Variants in ALK observed in about 807,000 individuals in gnomAD.
ALK encodes the protein ALK tyrosine kinase receptor.
A neutral mutation model predicts 163.1 loss-of-function variants in ALK; 74 were observed. The observed-to-expected ratio is 0.45, with a 90% CI of 0.38 to 0.55. The LOEUF is 0.55. ALK is among the 20% of genes least tolerant of loss of function. ALK has a pLI of 0.00. For synonymous variants in ALK, 960 were observed against 843.2 expected, an observed-to-expected ratio of 1.14 and a Z score of -2.40; for missense variants, 2,063 against 2,105.3, an observed-to-expected ratio of 0.98 and a Z score of 0.39.
chr2:29,692,380 T>C (rs1678424489), intron 3 of ALK, among the ~76,000 whole-genome samples: 1 of 152,222 alleles, frequency 6.6e-6, no homozygotes, highest in African/African-American at 2.4e-5. Flanking sequence ...TTACATGCTC[T>C]AGAGCAATGG....
At chr2:29,835,148 C>A (rs1016590598) in intron 1 of ALK, among the ~76,000 whole-genome samples, 4 of 152,148 alleles carry the variant, frequency 2.6e-5, no homozygotes, top group African/African-American at 9.7e-5. Flanking sequence ...TAGCAGCTAG[C>A]AAATAATAAG....
chr2:29,673,901 G>A (rs1677787319), intron 3 of ALK, among the ~76,000 whole-genome samples: 1 of 150,682 alleles, frequency 6.6e-6, no homozygotes, highest in African/African-American at 2.5e-5. Context: ...CACATCCCTT[G>A]TAAGTTGGAT....
chr2:29,813,530 C>G (rs1451020199), intron 1 of ALK, among the ~76,000 whole-genome samples: 2 of 151,992 alleles, frequency 1.3e-5, no homozygotes, highest in Admixed American at 6.6e-5. Flanking sequence ...CTGTCTCCCC[C>G]AAGACAGCCT....
chr2:29,618,155 C>A (rs1675913548), intron 3 of ALK, among the ~76,000 whole-genome samples: 1 of 152,192 alleles, frequency 6.6e-6, no homozygotes, highest in East Asian at 1.9e-4. Context: ...AGCAATCAAA[C>A]CAGCCTTTTG....
intron 4 of ALK, among the ~76,000 whole-genome samples, chr2:29,425,944 C>T (rs1331040101): frequency 1.3e-5 from 2 of 152,122 alleles, no homozygotes; most frequent in Non-Finnish European, 2.9e-5. Context: ...TAAGAAGAAC[C>T]TGCTGGAGTG....
intron 4 of ALK, among the ~76,000 whole-genome samples, chr2:29,491,345 G>A (rs1192256722): frequency 6.6e-6 from 1 of 152,196 alleles, no homozygotes; most frequent in Non-Finnish European, 1.5e-5. Context: ...TATGTACTCA[G>A]TAAGTATGCG....
intron 1 of ALK, among the ~76,000 whole-genome samples, chr2:29,835,016 A>G (rs1001831342): frequency 2.6e-5 from 4 of 152,244 alleles, no homozygotes; most frequent in African/African-American, 9.6e-5. Context: ...TTGCAATCTA[A>G]GCCAAATAAA....
intron 26 of ALK, among the ~76,000 whole-genome samples, chr2:29,203,735 C>T (rs575482096): frequency 3.3e-5 from 5 of 151,842 alleles, no homozygotes; most frequent in African/African-American, 9.7e-5. Flanking sequence ...CCACCTGCCT[C>T]GGTCTCCCAA....
intron 5 of ALK, among the ~76,000 whole-genome samples, chr2:29,361,383 T>C (rs539993238): frequency 1.4e-4 from 22 of 152,328 alleles, no homozygotes; most frequent in African/African-American, 5.0e-4. Flanking sequence ...ACAGAGCTGC[T>C]ATTAAACAGC....
At chr2:29,312,352 C>T (rs1666719282) in intron 8 of ALK, among the ~76,000 whole-genome samples, 3 of 151,860 alleles carry the variant, frequency 2.0e-5, no homozygotes, top group Admixed American at 1.3e-4. Flanking sequence ...ATACTGAAGC[C>T]GAGAACAGTG....
intron 1 of ALK, among the ~76,000 whole-genome samples, chr2:29,895,270 G>T (rs1026215910): frequency 1.3e-5 from 2 of 152,182 alleles, no homozygotes; most frequent in African/African-American, 2.4e-5. Context: ...TCTGCACTGT[G>T]GAGGGGTGAC....
chr2:29,867,075 T>A, intron 1 of ALK, among the ~76,000 whole-genome samples: 1 of 152,326 alleles, frequency 6.6e-6, no homozygotes, highest in Middle Eastern at 3.4e-3. Flanking sequence ...AGGATTAATA[T>A]ATTTACATAA....
At chr2:29,230,285 T>A (rs975416874) in intron 15 of ALK, among the ~76,000 whole-genome samples, 2 of 97,530 alleles carry the variant, frequency 2.1e-5, no homozygotes, top group African/African-American at 6.7e-5. Flanking sequence ...AAAGACACAA[T>A]CATCTTTTTT....
chr2:29,669,753 T>C (rs1397990647), intron 3 of ALK, among the ~76,000 whole-genome samples: 2 of 152,084 alleles, frequency 1.3e-5, no homozygotes, highest in African/African-American at 4.8e-5. Context: ...TTAGTGATTC[T>C]ACTATAGGTT....
intron 4 of ALK, among the ~76,000 whole-genome samples, chr2:29,415,458 G>A (rs1045264801): frequency 1.3e-5 from 2 of 152,018 alleles, no homozygotes; most frequent in Admixed American, 1.3e-4. Flanking sequence ...AGCCTGGTAT[G>A]CTCTCCTTAA....
At chr2:29,557,589 G>A (rs7593610) in intron 3 of ALK, among the ~76,000 whole-genome samples, 1,915 of 152,176 alleles carry the variant, frequency 0.013, 16 homozygotes, top group African/African-American at 0.019. Context: ...CTACATGAAT[G>A]CATTCTCTTT....
At chr2:29,778,653 G>T (rs548280367) in intron 1 of ALK, among the ~76,000 whole-genome samples, 1 of 152,208 alleles carries the variant, frequency 6.6e-6, no homozygotes, top group African/African-American at 2.4e-5. Context: ...TATCTGCTTC[G>T]CACCCTCATT....
chr2:29,488,086 C>T (rs988224817), intron 4 of ALK, among the ~76,000 whole-genome samples: 1 of 152,140 alleles, frequency 6.6e-6, no homozygotes, highest in African/African-American at 2.4e-5. Flanking sequence ...CCTTATCTGA[C>T]TTAACTTCAT....
chr2:29,764,040 A>T (rs1227967239), intron 1 of ALK, among the ~76,000 whole-genome samples: 1 of 152,118 alleles, frequency 6.6e-6, no homozygotes, highest in Non-Finnish European at 1.5e-5. Context: ...ACCCTCAGAG[A>T]CATCCTGTGA....
Sources: allele counts gnomAD v4.1 joint callset (sites outside exome capture counted in the v4.1 genomes callset), GRCh38; gene constraint gnomAD v4.1.1; transcripts MANE v1.5; gene names NCBI Gene and HGNC (gene_info 2026-07-23, HGNC 2026-07-21).